Variants in CNTNAP5 observed in about 807,000 individuals in gnomAD.
The protein encoded by CNTNAP5 is contactin-associated protein-like 5.
Under a neutral mutation model 150.2 loss-of-function variants are expected in CNTNAP5, and 72 were observed. That is an observed-to-expected ratio of 0.48 (90% CI 0.40 to 0.58). The LOEUF is 0.58. Ranked by LOEUF, CNTNAP5 falls within the 20% of genes least tolerant of loss-of-function variation. The pLI is 0.00. For synonymous variants in CNTNAP5, 672 were observed against 619.8 expected (o/e 1.08, Z -1.25); for missense variants, 1,636 against 1,626.2 (o/e 1.01, Z -0.10).
At chr2:124,247,135 C>A (rs1232590974) in intron 3 of CNTNAP5, among the ~76,000 whole-genome samples, 1 of 152,140 alleles carries the variant, frequency 6.6e-6, no homozygotes, top group South Asian at 2.1e-4. Context: ...GCTCTCTGAT[C>A]TTCATGATTT....
chr2:124,434,211 C>T (rs1692466401), intron 4 of CNTNAP5, among the ~76,000 whole-genome samples: 1 of 152,164 alleles, frequency 6.6e-6, no homozygotes, highest in Non-Finnish European at 1.5e-5. Context: ...ACCCTGTCCC[C>T]TCCAGCAAAA....
At chr2:124,577,143 C>G (rs961555817) in intron 11 of CNTNAP5, among the ~76,000 whole-genome samples, 9 of 152,132 alleles carry the variant, frequency 5.9e-5, no homozygotes, top group Admixed American at 2.6e-4. Context: ...TATTTTGGCT[C>G]TCAATGATCC....
chr2:124,237,458 C>T (rs1316267114), intron 2 of CNTNAP5, among the ~76,000 whole-genome samples: 3 of 152,092 alleles, frequency 2.0e-5, no homozygotes, highest in Admixed American at 6.5e-5. Context: ...GCAGGATTAG[C>T]AATAAGTGTC....
At chr2:124,386,836 G>T (rs1235864046) in intron 3 of CNTNAP5, among the ~76,000 whole-genome samples, 1 of 152,122 alleles carries the variant, frequency 6.6e-6, no homozygotes, top group African/African-American at 2.4e-5. Context: ...GAATTTTTAT[G>T]TTGAAACCCT....
chr2:124,280,934 T>C (rs1389007489), intron 3 of CNTNAP5, among the ~76,000 whole-genome samples: 2 of 152,174 alleles, frequency 1.3e-5, no homozygotes, highest in Non-Finnish European at 2.9e-5. Flanking sequence ...AAAATATTCA[T>C]TAAGCTGTTT....
At chr2:124,821,417 G>A (rs1262725540) in intron 19 of CNTNAP5, among the ~76,000 whole-genome samples, 1 of 152,144 alleles carries the variant, frequency 6.6e-6, no homozygotes, top group Non-Finnish European at 1.5e-5. Context: ...AAACACAGAT[G>A]ACTGGAACTC....
intron 3 of CNTNAP5, among the ~76,000 whole-genome samples, chr2:124,391,089 T>C (rs1691098022): frequency 2.0e-5 from 3 of 152,190 alleles, no homozygotes; most frequent in Non-Finnish European, 4.4e-5. Context: ...CTTGGACAAG[T>C]CGTTTGAACT....
At chr2:124,780,468 A>G (rs1681427294) in intron 17 of CNTNAP5, among the ~76,000 whole-genome samples, 1 of 152,194 alleles carries the variant, frequency 6.6e-6, no homozygotes, top group Non-Finnish European at 1.5e-5. Flanking sequence ...TGAGTGCCTC[A>G]AAAGCTGAAT....
chr2:124,786,463 GA>G (rs879645286), intron 17 of CNTNAP5, among the ~76,000 whole-genome samples: 2,280 of 109,906 alleles, frequency 0.021, 66 homozygotes, highest in Non-Finnish European at 0.025. Context: ...AAGAAAGAAA[GA>G]AAGGAAGGAA....
At chr2:124,343,657 A>G (rs971463808) in intron 3 of CNTNAP5, among the ~76,000 whole-genome samples, 14 of 152,196 alleles carry the variant, frequency 9.2e-5, no homozygotes, top group African/African-American at 3.4e-4. Context: ...GAGGAGACTC[A>G]GTTTTCCTAA....
At chr2:124,637,646 T>C (rs2105016010) in intron 12 of CNTNAP5, among the ~76,000 whole-genome samples, 1 of 152,302 alleles carries the variant, frequency 6.6e-6, no homozygotes, top group East Asian at 1.9e-4. Context: ...GGATCCTGAC[T>C]CTTTTAAGTT....
intron 21 of CNTNAP5, among the ~76,000 whole-genome samples, chr2:124,874,519 T>C (rs1207902177): frequency 1.3e-5 from 2 of 152,082 alleles, no homozygotes; most frequent in African/African-American, 4.8e-5. Flanking sequence ...TTTTTTGTTT[T>C]TAATTTATTT....
intron 22 of CNTNAP5, among the ~76,000 whole-genome samples, chr2:124,909,459 T>C (rs1267194696): frequency 1.3e-5 from 2 of 152,160 alleles, no homozygotes; most frequent in East Asian, 3.9e-4. Context: ...TAATGACACA[T>C]TTCTCAGAAT....
intron 1 of CNTNAP5, among the ~76,000 whole-genome samples, chr2:124,216,724 A>T (rs571275435): frequency 6.6e-6 from 1 of 152,044 alleles, no homozygotes; most frequent in Admixed American, 6.6e-5. Flanking sequence ...TGAACTCATC[A>T]TTTTTTATGG....
intron 13 of CNTNAP5, 123 bp from the exon 14 acceptor site, chr2:124,747,106 G>A (rs1031022160): frequency 5.1e-6 from 4 of 790,928 alleles, no homozygotes; most frequent in Non-Finnish European, 7.4e-6. Context: ...AAGAAGACAG[G>A]AAGGGAAGGA....
intron 2 of CNTNAP5, among the ~76,000 whole-genome samples, chr2:124,238,878 T>G (rs1011616554): frequency 2.6e-5 from 4 of 152,210 alleles, no homozygotes; most frequent in Non-Finnish European, 4.4e-5. Context: ...GAATGAAATG[T>G]TTGCCATAGC....
chr2:124,863,372 G>A (rs978517243), intron 19 of CNTNAP5, among the ~76,000 whole-genome samples: 15 of 152,280 alleles, frequency 9.9e-5, no homozygotes, highest in South Asian at 2.1e-4. Context: ...ACAGTGACTC[G>A]CCCCTACCAG....
chr2:124,366,832 G>T (rs1690384698), intron 3 of CNTNAP5, among the ~76,000 whole-genome samples: 1 of 152,082 alleles, frequency 6.6e-6, no homozygotes, highest in South Asian at 2.1e-4. Context: ...CTACACATGG[G>T]CCAGTCTTAG....
chr2:124,045,449 C>T (rs964704910), intron 1 of CNTNAP5, among the ~76,000 whole-genome samples: 10 of 151,912 alleles, frequency 6.6e-5, no homozygotes, highest in Non-Finnish European at 1.3e-4. Context: ...AGGTGCCCAC[C>T]ACCAGGCCTG....
Sources: gnomAD v4.1 joint callset for allele counts (sites outside exome capture counted in the v4.1 genomes callset) on GRCh38, gnomAD v4.1.1 for gene constraint, MANE v1.5 for transcripts, NCBI Gene and HGNC (gene_info 2026-07-23, HGNC 2026-07-21) for gene names.